Variants in RAP1B observed in about 807,000 individuals in gnomAD.
RAP1B encodes RAP1B, member of RAS oncogene family, also known as ras-related protein Rap-1b.
A neutral mutation model predicts 27.5 loss-of-function variants in RAP1B; 1 was observed. The ratio of observed to expected loss-of-function variants is 0.04; its 90% CI spans 0.01 to 0.17. RAP1B has a LOEUF of 0.17. RAP1B is among the 10% of genes least tolerant of loss of function. The probability of loss-of-function intolerance (pLI) is 1.00; values close to 1 mark genes in which losing one functional copy is unlikely to be tolerated. For synonymous variants in RAP1B, 75 were observed against 73.1 expected, an observed-to-expected ratio of 1.03 and a Z score of -0.13; for missense variants, 84 against 214.8, an observed-to-expected ratio of 0.39 and a Z score of 3.81.
intron 1 of RAP1B, among the ~76,000 whole-genome samples, chr12:68,613,270 G>C (rs1033343908): frequency 6.6e-6 from 1 of 151,610 alleles, no homozygotes; most frequent in Non-Finnish European, 1.5e-5. Context: ...TGAGGCACGA[G>C]AATATGAACC....
rs576918350 is a variant in RAP1B at position 68,640,449 on chromosome 12, G to A, written c.-26-8250G>A. ...CACTGCTTTATATTCCCACTGCCTA[G>A]AATAGTGCCTAACATATATTAGGTA... On this transcript the variant is annotated intron_variant, in intron 1 of 7. Coordinates refer to ENST00000250559, the MANE Select transcript of RAP1B (RefSeq NM_001010942.3). Among the ~76,000 whole-genome samples, 3 of 152,042 alleles carry A rather than the reference G, an allele frequency of 2.0e-5. No individual in the cohort carries two copies. The East Asian group carries it at 5.8e-4, about 29-fold the overall frequency.
chr12:68,611,002 C>CG lies in RAP1B; in HGVS notation c.-64dup. The CG allele has an allele frequency of 3.1e-6, 1 of 324,720 alleles. No individual in the cohort carries two copies. The highest frequency in any genetic ancestry group is 5.6e-6 in the Non-Finnish European group (1 of 177,958). The allele number at this position is 324,720 out of a possible 1,614,324, so 20.1% of individuals were successfully genotyped here. ...CTAGAGTAGCGACCCGGGGGGAGCG[C>CG]GGGGCGACGCTGGCTGCAGGGACCC... On this transcript the variant is annotated 5_prime_UTR_variant, in exon 1 of 8. Transcript: ENST00000250559.
intron 1 of RAP1B, among the ~76,000 whole-genome samples, chr12:68,645,161 C>T (rs957449911): frequency 2.6e-5 from 4 of 152,124 alleles, no homozygotes; most frequent in Non-Finnish European, 5.9e-5. Flanking sequence ...AAAAAAAATC[C>T]CTATCCTCAT....
chr12:68,613,324 G>A (rs754018080), intron 1 of RAP1B, among the ~76,000 whole-genome samples: 1 of 150,794 alleles, frequency 6.6e-6, no homozygotes, highest in Admixed American at 6.6e-5. Flanking sequence ...CTGGGAGGCG[G>A]AGGGTGCAGT....
intron 1 of RAP1B, among the ~76,000 whole-genome samples, chr12:68,639,045 G>C (rs763855393): frequency 6.6e-6 from 1 of 152,188 alleles, no homozygotes; most frequent in Non-Finnish European, 1.5e-5. Context: ...TTTTATAATT[G>C]AAAGGGACTT....
chr12:68,649,726 C>A (rs1873674558), intron 2 of RAP1B: 1 of 152,104 alleles, frequency 6.6e-6, no homozygotes, highest in African/African-American at 2.4e-5. Flanking sequence ...TCATTTGTAT[C>A]CAAAGTGATG....
chr12:68,634,046 A>T (rs1040649150), intron 1 of RAP1B, among the ~76,000 whole-genome samples: 1 of 152,214 alleles, frequency 6.6e-6, no homozygotes, highest in South Asian at 2.1e-4. Context: ...CCAAGGTAGA[A>T]TGAATCAGAC....
intron 1 of RAP1B, among the ~76,000 whole-genome samples, chr12:68,636,380 C>T (rs1480818943): frequency 1.3e-5 from 2 of 152,188 alleles, no homozygotes; most frequent in Admixed American, 6.5e-5. Context: ...TGCTGCAGGG[C>T]ATTTTTACTG....
At chr12:68,631,452 T>A (rs1016790180) in intron 1 of RAP1B, among the ~76,000 whole-genome samples, 28 of 152,362 alleles carry the variant, frequency 1.8e-4, no homozygotes, top group African/African-American at 6.3e-4. Flanking sequence ...TCAGTATTCA[T>A]GTTTATCTTC....
chr12:68,613,014 A>G (rs1592412117), intron 1 of RAP1B, among the ~76,000 whole-genome samples: 1 of 152,328 alleles, frequency 6.6e-6, no homozygotes, highest in African/African-American at 2.4e-5. Flanking sequence ...TAACTGAAGA[A>G]CCAATGCTAA....
intron 1 of RAP1B, chr12:68,624,762 C>G (rs1871627267): frequency 6.6e-6 from 1 of 152,448 alleles, no homozygotes; most frequent in African/African-American, 2.4e-5. Flanking sequence ...TTGCAGTGAG[C>G]TGAGATCGTG....
chr12:68,653,087 T>C (rs1873931803), intron 4 of RAP1B, among the ~76,000 whole-genome samples: 1 of 151,976 alleles, frequency 6.6e-6, no homozygotes, highest in Admixed American at 6.6e-5. Flanking sequence ...CAGGCACCTG[T>C]AGTCCCAGCT....
intron 2 of RAP1B, chr12:68,649,716 T>A (rs1487777103): frequency 2.0e-5 from 3 of 152,242 alleles, no homozygotes; most frequent in African/African-American, 7.2e-5. Context: ...AACTGCTTTT[T>A]CATTTGTATC....
At chr12:68,648,653 T>C in intron 1 of RAP1B, 46 bp from the exon 2 acceptor site, 1 of 1,394,868 alleles carries the variant, frequency 7.2e-7, no homozygotes, top group Admixed American at 2.0e-5. Flanking sequence ...AGCACAGGAA[T>C]ACACAACTTT....
chr12:68,651,660 C>A, intron 3 of RAP1B: 1 of 239,348 alleles, frequency 4.2e-6, no homozygotes, highest in South Asian at 7.2e-5. Flanking sequence ...ACTGTTGGAA[C>A]TGTTGCTGGT....
chr12:68,627,397 C>CA (rs764962111), intron 1 of RAP1B: 241 of 579,562 alleles, frequency 4.2e-4, no homozygotes, highest in Non-Finnish European at 5.4e-4. Flanking sequence ...TTAAAACACA[C>CA]AAATATACCC....
chr12:68,648,449 A>G (rs1460256323), intron 1 of RAP1B, among the ~76,000 whole-genome samples: 3 of 152,214 alleles, frequency 2.0e-5, no homozygotes, highest in African/African-American at 4.8e-5. Context: ...GTAACAAAAC[A>G]GGTGATAGGT....
At chr12:68,652,537 G>A (rs1238391064) in intron 4 of RAP1B, among the ~76,000 whole-genome samples, 11 of 152,102 alleles carry the variant, frequency 7.2e-5, no homozygotes, top group African/African-American at 2.7e-4. Flanking sequence ...TATATTGGCC[G>A]GGCGCAGTGG....
chr12:68,629,856 TTTTGA>T (rs1177252512), intron 1 of RAP1B, among the ~76,000 whole-genome samples: 3 of 152,230 alleles, frequency 2.0e-5, no homozygotes, highest in African/African-American at 7.2e-5. Context: ...TTTATAGGTG[TTTTGA>T]TTTGTTTTGA....
Sources: allele counts gnomAD v4.1 joint callset (sites outside exome capture counted in the v4.1 genomes callset), GRCh38; gene constraint gnomAD v4.1.1; transcripts MANE v1.5; gene names NCBI Gene and HGNC (gene_info 2026-07-23, HGNC 2026-07-21).